ZPBP: variants seen among roughly 807,000 people sequenced by gnomAD.
The protein encoded by ZPBP is zona pellucida-binding protein 1.
ZPBP carries 26 observed loss-of-function variants against 44.8 expected under a neutral mutation model. The observed-to-expected ratio is 0.58, with a 90% CI of 0.43 to 0.81. ZPBP has a LOEUF of 0.81. ZPBP is among the 30% of genes least tolerant of loss of function. ZPBP has a pLI of 0.00. For synonymous variants in ZPBP, 174 were observed against 153.2 expected (o/e 1.14, Z -1.00); for missense variants, 409 against 434.0 (o/e 0.94, Z 0.51).
chr7:49,944,815 CT>C (rs1795032445), intron 7 of ZPBP, among the ~76,000 whole-genome samples: 1 of 144,812 alleles, frequency 6.9e-6, no homozygotes, highest in Non-Finnish European at 1.5e-5. Context: ...TTAAAAATAA[CT>C]TTTCATTTCA....
chr7:50,039,050 C>T (rs77028561), intron 4 of ZPBP, among the ~76,000 whole-genome samples: 4,725 of 152,022 alleles, frequency 0.031, 92 homozygotes, highest in Middle Eastern at 0.061. Context: ...TTGTAAAACA[C>T]GTAAGGAAAC....
chr7:50,064,899 G>A (rs1264664732), intron 3 of ZPBP, among the ~76,000 whole-genome samples: 1 of 152,092 alleles, frequency 6.6e-6, no homozygotes, highest in Non-Finnish European at 1.5e-5. Context: ...AAATCACAAG[G>A]GTATTGATTG....
intron 7 of ZPBP, among the ~76,000 whole-genome samples, chr7:49,981,381 T>TA (rs1796896579): frequency 2.8e-5 from 1 of 36,240 alleles, no homozygotes. Flanking sequence ...ATATATTATA[T>TA]ATAATTATAT....
chr7:49,925,399 A>G (rs1794198633), intron 1 of ZPBP, among the ~76,000 whole-genome samples: 1 of 152,162 alleles, frequency 6.6e-6, no homozygotes, highest in Admixed American at 6.5e-5. Flanking sequence ...TCTGTTCCAG[A>G]TAGGTTAGAC....
chr7:49,973,073 TTAAAC>T (rs1195547047), intron 7 of ZPBP, among the ~76,000 whole-genome samples: 1 of 151,930 alleles, frequency 6.6e-6, no homozygotes, highest in Non-Finnish European at 1.5e-5. Context: ...AACAAGTAAT[TTAAAC>T]TAAGTAACAC....
chr7:49,841,587 C>T, the ZPBP span, among the ~76,000 whole-genome samples: 1 of 152,192 alleles, frequency 6.6e-6, no homozygotes, highest in African/African-American at 2.4e-5. Flanking sequence ...TCCTAAAATG[C>T]TTTGGACGTG....
At chr7:49,907,018 A>G (rs1379553509) in intron 1 of ZPBP, among the ~76,000 whole-genome samples, 1 of 152,232 alleles carries the variant, frequency 6.6e-6, no homozygotes, top group African/African-American at 2.4e-5. Flanking sequence ...CATGTTGAAT[A>G]AACAATGGTG....
chr7:49,916,008 A>G (rs1793702855), intron 1 of ZPBP: 3 of 152,194 alleles, frequency 2.0e-5, no homozygotes, highest in Admixed American at 6.5e-5. Context: ...CAATTTACTT[A>G]TTCAGGAATA....
Position 49,897,186 on chromosome 7 carries a change from C to T in ZPBP, n.509+3932G>A, listed in dbSNP as rs542360301. Among the ~76,000 whole-genome samples the T allele has an allele frequency of 6.1e-4, 93 of 152,204 alleles. 1 individual carries two copies. Among genetic ancestry groups the T allele is most frequent in the African/African-American group, 2.1e-3 (87 of 41,546 alleles). On this transcript the variant is annotated intron_variant and non_coding_transcript_variant, in intron 2 of 2. Coordinates refer to the ZPBP transcript ENST00000465922. Reference sequence around the variant, plus strand: ...CTGGGATTACAGGCGTGAGCCACCGCGCCCGGCCGGATTGATAATTTTTTA... The same window carrying T: ...CTGGGATTACAGGCGTGAGCCACCGTGCCCGGCCGGATTGATAATTTTTTA...
At chr7:49,863,087 C>G (rs1398243957) in intron 2 of ZPBP, among the ~76,000 whole-genome samples, 1 of 152,200 alleles carries the variant, frequency 6.6e-6, no homozygotes, top group African/African-American at 2.4e-5. Flanking sequence ...GTGAAACCAT[C>G]TGGTCCTGAA....
At chr7:49,900,719 A>G (rs1792677557) in intron 2 of ZPBP, among the ~76,000 whole-genome samples, 1 of 151,840 alleles carries the variant, frequency 6.6e-6, no homozygotes, top group South Asian at 2.1e-4. Flanking sequence ...CTGGTGAATT[A>G]TACCAAACAT....
intron 7 of ZPBP, among the ~76,000 whole-genome samples, chr7:49,963,019 T>TA (rs1044977072): frequency 9.3e-5 from 14 of 149,858 alleles, no homozygotes; most frequent in African/African-American, 1.5e-4. Context: ...AAGGAAATAC[T>TA]AAAAAAAAAC....
intron 7 of ZPBP, among the ~76,000 whole-genome samples, chr7:49,951,522 A>G (rs1795342572): frequency 6.6e-6 from 1 of 151,522 alleles, no homozygotes; most frequent in South Asian, 2.1e-4. Flanking sequence ...TATTTCACAT[A>G]TACTAGAATG....
intron 7 of ZPBP, among the ~76,000 whole-genome samples, chr7:49,956,243 A>G (rs936885441): frequency 7.2e-5 from 11 of 152,034 alleles, no homozygotes; most frequent in African/African-American, 2.7e-4. Flanking sequence ...TAAATATCTA[A>G]AAATATTTTG....
chr7:49,876,578 C>T (rs1791422166), intron 2 of ZPBP, among the ~76,000 whole-genome samples: 2 of 152,148 alleles, frequency 1.3e-5, no homozygotes, highest in South Asian at 4.1e-4. Flanking sequence ...TAAATACCTA[C>T]TTGGAGAAAC....
intron 1 of ZPBP, chr7:49,921,778 T>C (rs1794031783): frequency 6.6e-6 from 1 of 152,228 alleles, no homozygotes; most frequent in South Asian, 2.1e-4. Flanking sequence ...TTAACACATA[T>C]AATTTATATC....
chr7:49,929,696 G>A (rs550531045), intron 1 of ZPBP, among the ~76,000 whole-genome samples: 3 of 152,312 alleles, frequency 2.0e-5, no homozygotes, highest in African/African-American at 7.2e-5. Context: ...AAACTGTCTA[G>A]ACCATATGAG....
In ZPBP at chr7:49,939,877, C is replaced by T. The variant is rs562453094; in HGVS notation, c.962-2255G>A. 3.3e-5 allele frequency among the ~76,000 whole-genome samples: 5 copies of T among 152,214 alleles called. No homozygotes were observed. In the South Asian group the frequency reaches 1.0e-3, roughly 32 times the overall value. ...CTGAAGAAAATACAGCCTTTGACAA[C>T]AAACTTTCTGCCTGTACAACTCCAA... On this transcript the variant is annotated intron_variant, in intron 7 of 7. Transcript: ENST00000046087.
intron 4 of ZPBP, among the ~76,000 whole-genome samples, chr7:50,053,532 CTTTG>C (rs1308830616): frequency 6.6e-6 from 1 of 152,180 alleles, no homozygotes; most frequent in Non-Finnish European, 1.5e-5. Context: ...ATTTCCTTAG[CTTTG>C]TTTGTTGGAG....
Sources: allele counts gnomAD v4.1 joint callset (sites outside exome capture counted in the v4.1 genomes callset), GRCh38; gene constraint gnomAD v4.1.1; transcripts MANE v1.5; gene names NCBI Gene and HGNC (gene_info 2026-07-23, HGNC 2026-07-21).